The following PNOC variants were observed in gnomAD, a reference collection of about 807,000 sequenced individuals.
PNOC encodes the protein nociceptin.
PNOC carries 10 observed loss-of-function variants against 15.6 expected under a neutral mutation model. That is an observed-to-expected ratio of 0.64 (90% CI 0.40 to 1.09). The LOEUF (loss-of-function observed/expected upper bound fraction) is 1.09. PNOC is among the 50% of genes least tolerant of loss of function. The probability of loss-of-function intolerance (pLI) is 0.01; values close to 1 mark genes in which losing one functional copy is unlikely to be tolerated. For missense variants in PNOC, 220 were observed against 223.9 expected (o/e 0.98, Z 0.11); for synonymous variants, 98 against 88.5 (o/e 1.11, Z -0.60).
At chr8:28,323,039 G>A (rs1021736061) in intron 1 of PNOC, among the ~76,000 whole-genome samples, 2 of 152,202 alleles carry the variant, frequency 1.3e-5, no homozygotes, top group Non-Finnish European at 2.9e-5. Flanking sequence ...TTCTCTGCTG[G>A]CAGCATCAAA....
At chr8:28,324,636 G>A (rs182780504) in intron 1 of PNOC, among the ~76,000 whole-genome samples, 16 of 152,182 alleles carry the variant, frequency 1.1e-4, no homozygotes, top group Non-Finnish European at 2.2e-4. Flanking sequence ...GGCCGAAGCG[G>A]GAGGATCACC....
At chr8:28,329,308 A>G in intron 2 of PNOC, 25 bp downstream of exon 2, 1 of 1,610,462 alleles carries the variant, frequency 6.2e-7, no homozygotes, top group Non-Finnish European at 8.5e-7. Context: ...CAAGGCAGAG[A>G]GGCTGTCCTC....
At chr8:28,326,050 G>A (rs561968603) in intron 1 of PNOC, among the ~76,000 whole-genome samples, 19 of 152,150 alleles carry the variant, frequency 1.2e-4, no homozygotes, top group South Asian at 1.0e-3. Flanking sequence ...TTCAAAACCC[G>A]TCTCAAATGT....
intron 1 of PNOC, among the ~76,000 whole-genome samples, chr8:28,328,185 A>G (rs756003502): frequency 6.8e-6 from 1 of 147,712 alleles, no homozygotes; most frequent in Non-Finnish European, 1.5e-5. Context: ...CTCTCGCCTC[A>G]GCCTCCCAAG....
In PNOC at chr8:28,339,399, G is replaced by C. The variant is rs373371819; in HGVS notation, c.486G>C (p.Gln162His). The C allele has an allele frequency of 1.3e-6, 2 of 1,560,206 alleles. No homozygotes were observed. The highest frequency in any genetic ancestry group is 1.7e-6 in the Non-Finnish European group (2 of 1,147,674). ...FMRQYLVLSM[Q>H]SSQRRRTLHQ... ...GGCAATACTTGGTCCTGAGCATGCAGTCCAGCCAGCGCCGGCGCACCCTGC... is the reference window on the plus strand; with the variant it reads ...GGCAATACTTGGTCCTGAGCATGCACTCCAGCCAGCGCCGGCGCACCCTGC... Residue 162 changes from glutamine to histidine, a missense_variant, in exon 3 of 4, where the codon CAG becomes CAC. Physicochemically the swap from Gln to His is conservative, Grantham distance 24 (BLOSUM62 0). Transcript: ENST00000301908.
At chr8:28,328,510 A>G (rs2722906) in intron 1 of PNOC, among the ~76,000 whole-genome samples, 48,863 of 151,756 alleles carry the variant, frequency 0.32, 9,809 homozygotes, top group Non-Finnish European at 0.46. Context: ...GGAAGAGAGA[A>G]TTCGGGGTAT....
intron 1 of PNOC, among the ~76,000 whole-genome samples, chr8:28,320,683 T>C (rs1467327983): frequency 6.6e-6 from 1 of 151,768 alleles, no homozygotes; most frequent in African/African-American, 2.4e-5. Flanking sequence ...ACCCCGTCTC[T>C]ACTAAAAATA....
intron 1 of PNOC, among the ~76,000 whole-genome samples, chr8:28,323,215 T>C (rs1801175489): frequency 6.6e-6 from 1 of 152,270 alleles, no homozygotes; most frequent in Non-Finnish European, 1.5e-5. Flanking sequence ...TATTTTATCT[T>C]TATAAACAGC....
At chr8:28,337,500 A>G (rs111960561) in intron 2 of PNOC, among the ~76,000 whole-genome samples, 4,275 of 150,850 alleles carry the variant, frequency 0.028, 103 homozygotes, top group Non-Finnish European at 0.038. Flanking sequence ...GGTTTTTGCC[A>G]TGTTGGCCAG....
intron 2 of PNOC, among the ~76,000 whole-genome samples, chr8:28,331,574 G>A (rs1474092116): frequency 1.3e-5 from 2 of 152,114 alleles, no homozygotes; most frequent in African/African-American, 4.8e-5. Context: ...CCTCTCACCT[G>A]GGCTCCAGAC....
intron 1 of PNOC, among the ~76,000 whole-genome samples, chr8:28,317,600 G>A (rs1420759156): frequency 6.6e-6 from 1 of 152,182 alleles, no homozygotes; most frequent in Non-Finnish European, 1.5e-5. Context: ...CCCCAGCTGT[G>A]GCCCCTACGT....
At chr8:28,342,849 C>T (rs777244289) in intron 3 of PNOC, 93 bp from the exon 4 acceptor site, 1 of 368,384 alleles carries the variant, frequency 2.7e-6, no homozygotes, top group Non-Finnish European at 3.8e-6. Flanking sequence ...CTTTTCTTTG[C>T]CTCCCTTTCA....
intron 1 of PNOC, among the ~76,000 whole-genome samples, chr8:28,320,768 G>A (rs1371913441): frequency 6.6e-6 from 1 of 151,212 alleles, no homozygotes; most frequent in African/African-American, 2.4e-5. Context: ...GGAGAATGGC[G>A]TGAACTCGGG....
intron 1 of PNOC, among the ~76,000 whole-genome samples, chr8:28,322,864 A>T (rs1235278986): frequency 6.6e-6 from 1 of 152,204 alleles, no homozygotes; most frequent in East Asian, 1.9e-4. Context: ...CTTAACCTCT[A>T]AGAGTTTATG....
At chr8:28,334,180 T>C (rs1801375091) in intron 2 of PNOC, among the ~76,000 whole-genome samples, 1 of 151,906 alleles carries the variant, frequency 6.6e-6, no homozygotes, top group African/African-American at 2.4e-5. Flanking sequence ...GCCTGTAGAG[T>C]ACTAACTCGA....
intron 2 of PNOC, among the ~76,000 whole-genome samples, chr8:28,335,378 A>G (rs1801394934): frequency 6.6e-6 from 1 of 152,278 alleles, no homozygotes; most frequent in Admixed American, 6.5e-5. Flanking sequence ...ACATCATAAA[A>G]TGCAAAGGTT....
intron 1 of PNOC, among the ~76,000 whole-genome samples, chr8:28,326,038 G>C (rs1462553215): frequency 6.6e-6 from 1 of 152,082 alleles, no homozygotes; most frequent in African/African-American, 2.4e-5. Context: ...TTCATTATTT[G>C]TTTCAAAACC....
At chr8:28,326,265 T>C (rs769440240) in intron 1 of PNOC, among the ~76,000 whole-genome samples, 1 of 151,994 alleles carries the variant, frequency 6.6e-6, no homozygotes, top group Non-Finnish European at 1.5e-5. Context: ...GGTGGGAGGA[T>C]TGCTTGCGCC....
chr8:28,339,407 A>G lies in PNOC; in HGVS notation c.494A>G (p.Gln165Arg). 6.4e-7 allele frequency: 1 copy of G among 1,552,952 alleles called. No homozygotes were observed. The highest frequency in any genetic ancestry group is 8.7e-7 in the Non-Finnish European group (1 of 1,143,822). ...QYLVLSMQSS[Q>R]RRRTLHQNGN... ...TTGGTCCTGAGCATGCAGTCCAGCC[A>G]GCGCCGGCGCACCCTGCACCAGAAT... Residue 165 changes from glutamine to arginine, a missense_variant, in exon 3 of 4, where the codon CAG (glutamine) becomes CGG (arginine). By Grantham distance (43) the Gln-to-Arg change is conservative. Transcript: ENST00000301908.
Sources: allele counts gnomAD v4.1 joint callset (sites outside exome capture counted in the v4.1 genomes callset), GRCh38; gene constraint gnomAD v4.1.1; transcripts MANE v1.5; gene names NCBI Gene and HGNC (gene_info 2026-07-23, HGNC 2026-07-21).